SPRED2: variants seen among roughly 807,000 people sequenced by gnomAD.
SPRED2 encodes sprouty-related, EVH1 domain-containing protein 2.
In SPRED2, 47 loss-of-function variants were observed where a neutral mutation model predicts 43.0. That is an observed-to-expected ratio of 1.09 (90% CI 0.87 to 1.40). The LOEUF is 1.40. Among genes scored for constraint, SPRED2 ranks in the 40% most tolerant of loss-of-function variants. The pLI, the probability that SPRED2 is intolerant of heterozygous loss-of-function variation, is 0.00. For synonymous variants in SPRED2, 225 were observed against 225.7 expected (o/e 1.00, Z 0.03); for missense variants, 561 against 586.4 (o/e 0.96, Z 0.45).
chr2:65,415,165 G>A (rs1676245302), intron 1 of SPRED2, among the ~76,000 whole-genome samples: 1 of 152,072 alleles, frequency 6.6e-6, no homozygotes, highest in East Asian at 1.9e-4. Context: ...CAATTCAGTG[G>A]CATTAAGTAC....
chr2:65,389,143 T>C (rs940137666), intron 1 of SPRED2, among the ~76,000 whole-genome samples: 1 of 151,896 alleles, frequency 6.6e-6, no homozygotes, highest in Non-Finnish European at 1.5e-5. Flanking sequence ...GTGTGAGGAA[T>C]CCATCTGGCC....
intron 1 of SPRED2, among the ~76,000 whole-genome samples, chr2:65,421,199 A>T: frequency 6.6e-6 from 1 of 152,152 alleles, no homozygotes; most frequent in Middle Eastern, 3.2e-3. Flanking sequence ...TTTAAAATCA[A>T]GCTGTACCTC....
chr2:65,392,324 G>A (rs1158282304), intron 1 of SPRED2, among the ~76,000 whole-genome samples: 2 of 151,788 alleles, frequency 1.3e-5, no homozygotes, highest in African/African-American at 4.8e-5. Context: ...GACAACAGGT[G>A]TGCATTACCA....
At position 65,313,456 on chromosome 2, in the gene SPRED2, G is replaced by A; in HGVS notation, c.*45C>T. On this transcript the variant is annotated 3_prime_UTR_variant, in exon 6 of 6. Coordinates refer to ENST00000356388, the MANE Select transcript of SPRED2 (RefSeq NM_181784.3). ...GAAGATGAGAGTATGTAAGAGACGA[G>A]TTCCCCTGTGGCTGCGGATGGAGGG... 1 of 1,560,180 alleles carries A rather than the reference G, an allele frequency of 6.4e-7. No homozygotes were observed. The highest frequency in any genetic ancestry group is 8.7e-7 in the Non-Finnish European group (1 of 1,155,410).
chr2:65,430,444 C>T (rs1046150735), intron 1 of SPRED2, among the ~76,000 whole-genome samples: 15 of 152,268 alleles, frequency 9.9e-5, no homozygotes, highest in South Asian at 6.2e-4. Flanking sequence ...CACTCCCGCC[C>T]GGACTGGCAA....
intron 1 of SPRED2, chr2:65,377,568 T>C (rs1170448373): frequency 2.1e-6 from 1 of 471,184 alleles, no homozygotes; most frequent in Non-Finnish European, 4.4e-6. Flanking sequence ...GGCAAAGCAA[T>C]GACTGATGAG....
chr2:65,358,106 T>A (rs1674709084), intron 1 of SPRED2, among the ~76,000 whole-genome samples: 1 of 152,044 alleles, frequency 6.6e-6, no homozygotes, highest in Non-Finnish European at 1.5e-5. Context: ...AGAGTATACT[T>A]TGAGTAGAGA....
intron 1 of SPRED2, among the ~76,000 whole-genome samples, chr2:65,422,882 A>C (rs191166717): frequency 2.2e-4 from 33 of 152,338 alleles, no homozygotes; most frequent in African/African-American, 7.7e-4. Flanking sequence ...GAGCCCAGGC[A>C]CATCATTCTA....
intron 1 of SPRED2, among the ~76,000 whole-genome samples, chr2:65,351,421 C>T (rs1379714908): frequency 2.6e-5 from 4 of 152,100 alleles, no homozygotes; most frequent in African/African-American, 7.2e-5. Context: ...TTACACGGCT[C>T]CTTTATCTCT....
chr2:65,416,769 A>T (rs1367004348), intron 1 of SPRED2, among the ~76,000 whole-genome samples: 1 of 151,966 alleles, frequency 6.6e-6, no homozygotes, highest in Non-Finnish European at 1.5e-5. Flanking sequence ...CGTCTGTGGG[A>T]CCTTGGGCTC....
intron 1 of SPRED2, among the ~76,000 whole-genome samples, chr2:65,367,930 A>G (rs1675024882): frequency 6.6e-6 from 1 of 152,136 alleles, no homozygotes; most frequent in Non-Finnish European, 1.5e-5. Flanking sequence ...AACCATCTGG[A>G]GGAGGAAGAG....
chr2:65,308,569 A>G (rs1175581567), downstream of SPRED2: 5 of 985,302 alleles, frequency 5.1e-6, no homozygotes, highest in African/African-American at 7.0e-5. Flanking sequence ...ATGTTTCCTC[A>G]GGGCCTCAGA....
intron 1 of SPRED2, among the ~76,000 whole-genome samples, chr2:65,358,974 GCTT>G (rs1384480815): frequency 6.6e-6 from 1 of 152,150 alleles, no homozygotes; most frequent in East Asian, 1.9e-4. Context: ...TCTGATTTAG[GCTT>G]CATTTTGGGG....
At chr2:65,401,449 A>T (rs1675885330) in intron 1 of SPRED2, among the ~76,000 whole-genome samples, 1 of 148,512 alleles carries the variant, frequency 6.7e-6, no homozygotes, top group Non-Finnish European at 1.5e-5. Flanking sequence ...GTCTCATACC[A>T]TTTTTTTTTT....
At chr2:65,424,778 C>T (rs1676519443) in intron 1 of SPRED2, among the ~76,000 whole-genome samples, 1 of 151,984 alleles carries the variant, frequency 6.6e-6, no homozygotes, top group African/African-American at 2.4e-5. Flanking sequence ...TTAAGAAGAC[C>T]TCACCTCTAC....
At chr2:65,360,532 T>A (rs1674786196) in intron 1 of SPRED2, among the ~76,000 whole-genome samples, 1 of 152,200 alleles carries the variant, frequency 6.6e-6, no homozygotes, top group South Asian at 2.1e-4. Flanking sequence ...CATGGATGAA[T>A]CTTGAGGATA....
At chr2:65,356,181 G>A (rs1004506847) in intron 1 of SPRED2, among the ~76,000 whole-genome samples, 11 of 152,152 alleles carry the variant, frequency 7.2e-5, no homozygotes, top group African/African-American at 1.9e-4. Context: ...TAACCCACCC[G>A]TTGAAATGTC....
chr2:65,371,877 A>G (rs1158461440), intron 1 of SPRED2, among the ~76,000 whole-genome samples: 2 of 152,130 alleles, frequency 1.3e-5, no homozygotes, highest in Admixed American at 6.6e-5. Context: ...GGAGTTTGAA[A>G]TGAGCTTGGC....
chr2:65,328,075 T>C (rs1304028466), intron 4 of SPRED2, among the ~76,000 whole-genome samples: 1 of 152,148 alleles, frequency 6.6e-6, no homozygotes, highest in African/African-American at 2.4e-5. Context: ...TTTGTAGAAG[T>C]AATTTATATT....
Sources: allele counts gnomAD v4.1 joint callset (sites outside exome capture counted in the v4.1 genomes callset), GRCh38; gene constraint gnomAD v4.1.1; transcripts MANE v1.5; gene names NCBI Gene and HGNC (gene_info 2026-07-23, HGNC 2026-07-21).